CCDC148: variants seen among roughly 807,000 people sequenced by gnomAD.
CCDC148 encodes the protein coiled-coil domain containing 148.
In CCDC148, 89 loss-of-function variants were observed where a neutral mutation model predicts 85.7. That is an observed-to-expected ratio of 1.04 (90% CI 0.87 to 1.24). The LOEUF (loss-of-function observed/expected upper bound fraction) is 1.24, where lower values mean the gene tolerates loss of function less well. CCDC148 is among the 50% of genes most tolerant of loss of function. The pLI, the probability that CCDC148 is intolerant of heterozygous loss-of-function variation, is 0.00. For synonymous variants in CCDC148, 230 were observed against 213.9 expected (o/e 1.08, Z -0.66); for missense variants, 692 against 671.7 (o/e 1.03, Z -0.33).
intron 1 of CCDC148, among the ~76,000 whole-genome samples, chr2:158,361,699 G>A (rs187113969): frequency 1.4e-3 from 210 of 152,218 alleles, no homozygotes; most frequent in African/African-American, 4.6e-3. Flanking sequence ...AGGAACAACC[G>A]GTACCAGCCA....
At position 158,247,347 on chromosome 2, in the gene CCDC148, T is replaced by A. The variant is rs376032032; in HGVS notation, c.1251+3425A>T. 3.3e-4 allele frequency among the ~76,000 whole-genome samples: 50 copies of A among 152,270 alleles called. No homozygotes were observed. In the South Asian group the frequency reaches 9.9e-3, roughly 30 times the overall value. The stretch of plus-strand genomic sequence containing the variant: ...AAAAAAGCAAAGTTGTAGTATCTTA[T>A]AAACCACCCCCCAAAATCTTATAAA... On this transcript the variant is annotated intron_variant, in intron 10 of 13. Coordinates refer to ENST00000283233, the MANE Select transcript of CCDC148 (RefSeq NM_138803.4).
chr2:158,223,745 C>A (rs1197015673), intron 10 of CCDC148, among the ~76,000 whole-genome samples: 2 of 152,200 alleles, frequency 1.3e-5, no homozygotes, highest in African/African-American at 4.8e-5. Context: ...TCCAACAGAC[C>A]TGCAGCTGAG....
chr2:158,187,349 G>A (rs145444847), intron 11 of CCDC148, among the ~76,000 whole-genome samples: 4 of 151,724 alleles, frequency 2.6e-5, no homozygotes, highest in African/African-American at 4.8e-5. Context: ...TTTCCTCTAC[G>A]TACAAACTTA....
chr2:158,448,120 CT>C (rs199876544), intron 1 of CCDC148, among the ~76,000 whole-genome samples: 3 of 152,088 alleles, frequency 2.0e-5, no homozygotes, highest in Non-Finnish European at 4.4e-5. Context: ...AGTAGTATTT[CT>C]TTAAAAAAAA....
chr2:158,214,066 G>A (rs567979067), intron 11 of CCDC148, among the ~76,000 whole-genome samples: 60 of 144,308 alleles, frequency 4.2e-4, no homozygotes, highest in African/African-American at 1.5e-3. Flanking sequence ...GGCTAGAAAG[G>A]AACTTGGAGC....
At chr2:158,378,581 G>A (rs930629119) in intron 1 of CCDC148, among the ~76,000 whole-genome samples, 1 of 152,122 alleles carries the variant, frequency 6.6e-6, no homozygotes, top group Non-Finnish European at 1.5e-5. Context: ...CATAGCCAGA[G>A]ATGAAAAAAC....
At chr2:158,417,398 C>T (rs1686549655) in intron 1 of CCDC148, among the ~76,000 whole-genome samples, 1 of 152,222 alleles carries the variant, frequency 6.6e-6, no homozygotes, top group Admixed American at 6.5e-5. Flanking sequence ...GCTACTACCC[C>T]TTGGATTCAT....
chr2:158,208,827 AAAGG>A (rs1447516222), intron 11 of CCDC148, among the ~76,000 whole-genome samples: 40 of 152,294 alleles, frequency 2.6e-4, no homozygotes, highest in Non-Finnish European at 3.4e-4. Context: ...ATTTAACTAG[AAAGG>A]ATTTCTGTTG....
intron 1 of CCDC148, among the ~76,000 whole-genome samples, chr2:158,401,310 T>C (rs900853475): frequency 6.6e-6 from 1 of 152,070 alleles, no homozygotes; most frequent in Admixed American, 6.6e-5. Flanking sequence ...CAAATGTCCA[T>C]CAATAATCGA....
At chr2:158,261,367 C>T (rs1314780884) in intron 9 of CCDC148, among the ~76,000 whole-genome samples, 1 of 151,972 alleles carries the variant, frequency 6.6e-6, no homozygotes, top group Non-Finnish European at 1.5e-5. Flanking sequence ...TAAAAATCAA[C>T]TCAAGATGGA....
chr2:158,345,279 G>T lies in CCDC148; in HGVS notation c.187C>A (p.Gln63Lys). 1 of 1,613,258 alleles carries T rather than the reference G, an allele frequency of 6.2e-7. No homozygotes were observed. The highest frequency in any genetic ancestry group is 1.1e-5 in the South Asian group (1 of 91,024). ...AMLTSKLSKE[Q>K]TLIKQHKQVW... ...TGCTTGTGTTGTTTTATTAGTGTTT[G>T]TTCTTTGGATAACTTTGAAGTCAAC... The change falls in exon 3 of 14, where the codon CAA (glutamine) becomes AAA (lysine). Residue 63 changes from glutamine (Q) to lysine (K), a missense_variant. Physicochemically the swap from Gln to Lys is moderately conservative, Grantham distance 53. Coordinates refer to ENST00000283233, the MANE Select transcript of CCDC148 (RefSeq NM_138803.4).
rs537998409 is a variant in CCDC148, at chr2:158,280,859, C to T, written c.1110+28574G>A. On this transcript the variant is annotated intron_variant, in intron 9 of 13. Coordinates refer to ENST00000283233, the MANE Select transcript of CCDC148 (RefSeq NM_138803.4). ...GCACCACACCACACCTATTCCAAAA[C>T]TGACCACATAGTTGGAAGTAAAGCT... is the stretch of plus-strand genomic sequence containing the variant. Among the ~76,000 whole-genome samples the T allele has an allele frequency of 1.1e-3, 171 of 152,238 alleles. 1 individual carries two copies. The highest frequency in any genetic ancestry group is 3.9e-3 in the African/African-American group (162 of 41,546).
chr2:158,281,647 C>G (rs947389909), intron 9 of CCDC148, among the ~76,000 whole-genome samples: 2 of 152,118 alleles, frequency 1.3e-5, no homozygotes, highest in Non-Finnish European at 2.9e-5. Context: ...AGCTTACCAA[C>G]CAAAAAGAGT....
chr2:158,305,374 G>C (rs1162491142), intron 9 of CCDC148, among the ~76,000 whole-genome samples: 1 of 152,170 alleles, frequency 6.6e-6, no homozygotes, highest in Non-Finnish European at 1.5e-5. Context: ...TGAGACTGAG[G>C]TTGAACCAGT....
At chr2:158,401,563 G>C (rs1268656094) in intron 1 of CCDC148, among the ~76,000 whole-genome samples, 1 of 151,934 alleles carries the variant, frequency 6.6e-6, no homozygotes, top group African/African-American at 2.4e-5. Flanking sequence ...GACTGGAGAG[G>C]GATAGCATTA....
At chr2:158,429,360 AATAGATAGATAGATAGATAG>A (rs10664791) in intron 1 of CCDC148, among the ~76,000 whole-genome samples, 1 of 149,618 alleles carries the variant, frequency 6.7e-6, no homozygotes, top group African/African-American at 2.5e-5. Flanking sequence ...AAAGAGCATG[AATAGATAGATAGATAGATAG>A]ATAGATAGAT....
Position 158,179,173 on chromosome 2 carries a change from T to TTTTTTTTC in CCDC148, c.1371-178_1371-177insGAAAAAAA, listed in dbSNP as rs1409522428. Among the ~76,000 whole-genome samples the TTTTTTTTC allele has an allele frequency of 5.3e-5, 7 of 132,784 alleles. No homozygotes were observed. The Admixed American group carries it at 5.5e-4, about 10-fold the overall frequency. 87.1% of individuals were successfully genotyped at this position (132,784 alleles called of 152,430 possible). On this transcript the variant is annotated intron_variant, in intron 11 of 13. Transcript: ENST00000283233. ...ACACTCATATAAAATGCAATTTTTTTTTTTTTTTTTTTTTTTGAGACACAG... is the reference window on the plus strand; with the variant it reads ...ACACTCATATAAAATGCAATTTTTTTTTTTTTTCTTTTTTTTTTTTTTTTGAGACACAG...
At chr2:158,254,782 C>A (rs1688944139) in intron 9 of CCDC148, among the ~76,000 whole-genome samples, 1 of 151,336 alleles carries the variant, frequency 6.6e-6, no homozygotes, top group Admixed American at 6.6e-5. Flanking sequence ...ATTGAATGAC[C>A]TTTGCATATT....
chr2:158,246,405 C>A (rs1688571611), intron 10 of CCDC148, among the ~76,000 whole-genome samples: 1 of 152,172 alleles, frequency 6.6e-6, no homozygotes, highest in Non-Finnish European at 1.5e-5. Context: ...TGGTCAGTAT[C>A]TCTGAGTTGA....
Sources: gnomAD v4.1 joint callset for allele counts (sites outside exome capture counted in the v4.1 genomes callset) on GRCh38, gnomAD v4.1.1 for gene constraint, MANE v1.5 for transcripts, NCBI Gene and HGNC (gene_info 2026-07-23, HGNC 2026-07-21) for gene names.